The following PPA2 variants were observed in gnomAD, a reference collection of about 807,000 sequenced individuals.
PPA2 encodes inorganic pyrophosphatase 2.
PPA2 carries 48 observed loss-of-function variants against 49.5 expected under a neutral mutation model. The ratio of observed to expected loss-of-function variants is 0.97; its 90% CI spans 0.77 to 1.23. The LOEUF is 1.23. Among genes scored for constraint, PPA2 ranks in the 50% most tolerant of loss-of-function variants. The pLI, the probability that PPA2 is intolerant of heterozygous loss-of-function variation, is 0.00. For missense variants in PPA2, 429 were observed against 410.1 expected (o/e 1.05, Z -0.40); for synonymous variants, 131 against 139.9 (o/e 0.94, Z 0.45).
Position 105,437,932 on chromosome 4 carries a change from A to G in PPA2, c.528+18T>C. On this transcript the variant is annotated intron_variant, in intron 6 of 11. Coordinates refer to ENST00000341695, the MANE Select transcript of PPA2 (RefSeq NM_176869.3). The stretch of plus-strand genomic sequence containing the variant: ...AACCAAAACTCACGTTAGAATTAAT[A>G]CAGTCTATAAAACAAACCTTTGAGC... 2 of 1,570,660 alleles carry G rather than the reference A, an allele frequency of 1.3e-6. No individual in the cohort carries two copies. Among genetic ancestry groups the G allele is most frequent in the Admixed American group, 2.0e-5 (1 of 50,390 alleles).
In PPA2 at chr4:105,416,041, G is replaced by A. The variant is rs1722991201; in HGVS notation, c.655+8155C>T. Among the ~76,000 whole-genome samples, 3 of 152,124 alleles carry A rather than the reference G, an allele frequency of 2.0e-5. No homozygotes were observed. In the South Asian group the frequency reaches 6.2e-4, roughly 32 times the overall value. On this transcript the variant is annotated intron_variant, in intron 7 of 11. Transcript: ENST00000341695. ...ACCAATTATTCTACATCCAGGACTA[G>A]AATGTCCAACCAGCAGAAAAGAATT...
At chr4:105,452,517 A>G (rs1722715584) in intron 3 of PPA2, among the ~76,000 whole-genome samples, 1 of 152,224 alleles carries the variant, frequency 6.6e-6, no homozygotes, top group Non-Finnish European at 1.5e-5. Context: ...ATTTTTAACA[A>G]GCACTCTAAG....
At chr4:105,432,002 G>C (rs1723823808) in intron 6 of PPA2, among the ~76,000 whole-genome samples, 1 of 152,182 alleles carries the variant, frequency 6.6e-6, no homozygotes, top group Admixed American at 6.5e-5. Flanking sequence ...GGACTAGATA[G>C]ATACAGGTGA....
At chr4:105,426,449 C>T (rs1313406410) in intron 6 of PPA2, among the ~76,000 whole-genome samples, 1 of 152,220 alleles carries the variant, frequency 6.6e-6, no homozygotes, top group East Asian at 1.9e-4. Flanking sequence ...CCATGAGTGA[C>T]TGTACCTGGA....
At chr4:105,409,459 C>T (rs930141198) in intron 7 of PPA2, among the ~76,000 whole-genome samples, 1 of 152,238 alleles carries the variant, frequency 6.6e-6, no homozygotes, top group Non-Finnish European at 1.5e-5. Context: ...CCTCTGTGGG[C>T]AGGGCATAGC....
chr4:105,412,045 C>T (rs530461593), intron 7 of PPA2, among the ~76,000 whole-genome samples: 6 of 152,202 alleles, frequency 3.9e-5, no homozygotes, highest in African/African-American at 1.4e-4. Context: ...AGTGACATGC[C>T]GATCAAGCTA....
At chr4:105,398,973 A>G in intron 8 of PPA2, 64 bp downstream of exon 8, 2 of 1,541,592 alleles carry the variant, frequency 1.3e-6, no homozygotes, top group East Asian at 2.3e-5. Context: ...GAAACTTCCC[A>G]AGTGAAACGA....
chr4:105,376,322 A>G (rs887988773), intron 10 of PPA2, among the ~76,000 whole-genome samples: 2 of 152,256 alleles, frequency 1.3e-5, no homozygotes, highest in Non-Finnish European at 2.9e-5. Context: ...TCCAAATTTT[A>G]TACAACACTA....
At chr4:105,375,170 T>C (rs1474873132) in intron 10 of PPA2, among the ~76,000 whole-genome samples, 2 of 152,178 alleles carry the variant, frequency 1.3e-5, no homozygotes, top group Non-Finnish European at 2.9e-5. Context: ...GTTTAATCTA[T>C]TAATACTTCC....
chr4:105,411,057 C>T (rs761497038), intron 7 of PPA2, among the ~76,000 whole-genome samples: 1 of 152,172 alleles, frequency 6.6e-6, no homozygotes, highest in Non-Finnish European at 1.5e-5. Flanking sequence ...TAAATTCACA[C>T]ATAACAATAT....
In PPA2 at chr4:105,443,969, C is replaced by T. The variant is rs369648195; in HGVS notation, c.441+2414G>A. Among the ~76,000 whole-genome samples, 50 of 152,306 alleles carry T rather than the reference C, an allele frequency of 3.3e-4. No homozygotes were observed. In the East Asian group the frequency reaches 5.6e-3, roughly 17 times the overall value. On this transcript the variant is annotated intron_variant, in intron 5 of 11. Coordinates refer to ENST00000341695, the MANE Select transcript of PPA2 (RefSeq NM_176869.3). ...TGCAACAATCCTAATATCCCCTAGT[C>T]CCATTCCCTGCTTAACTTTTCTTTG...
intron 6 of PPA2, among the ~76,000 whole-genome samples, chr4:105,429,688 T>C (rs1013018608): frequency 5.3e-5 from 8 of 152,232 alleles, no homozygotes; most frequent in African/African-American, 1.9e-4. Context: ...TCACACTAAA[T>C]AGAAAATAAA....
intron 10 of PPA2, among the ~76,000 whole-genome samples, chr4:105,374,498 G>A (rs563973548): frequency 3.3e-5 from 5 of 152,174 alleles, no homozygotes; most frequent in Admixed American, 3.3e-4. Flanking sequence ...AAACTCTAAC[G>A]GTTTCATTGC....
chr4:105,464,740 A>G (rs1723232590), intron 1 of PPA2, among the ~76,000 whole-genome samples: 1 of 152,192 alleles, frequency 6.6e-6, no homozygotes, highest in African/African-American at 2.4e-5. Flanking sequence ...GTCTGCCACC[A>G]TATGATACAT....
At chr4:105,429,978 G>C (rs1311272208) in intron 6 of PPA2, among the ~76,000 whole-genome samples, 1 of 152,174 alleles carries the variant, frequency 6.6e-6, no homozygotes, top group Non-Finnish European at 1.5e-5. Context: ...ATTTCAGTGA[G>C]GTTCCCTCAA....
At chr4:105,469,765 T>C (rs956718726) in intron 1 of PPA2, among the ~76,000 whole-genome samples, 9 of 152,222 alleles carry the variant, frequency 5.9e-5, no homozygotes, top group South Asian at 2.1e-4. Flanking sequence ...ACAAAACCCA[T>C]TGTGTTCCAT....
At chr4:105,411,558 C>T (rs978256132) in intron 7 of PPA2, among the ~76,000 whole-genome samples, 1 of 152,188 alleles carries the variant, frequency 6.6e-6, no homozygotes, top group African/African-American at 2.4e-5. Flanking sequence ...CTCACCACTC[C>T]TATTCAACAT....
chr4:105,392,666 C>T (rs1733973154), intron 9 of PPA2, among the ~76,000 whole-genome samples: 1 of 147,910 alleles, frequency 6.8e-6, no homozygotes, highest in South Asian at 2.1e-4. Flanking sequence ...GAGTGAGACT[C>T]TGTTTCAAAA....
chr4:105,424,621 C>T lies in PPA2; in HGVS notation c.529-299G>A, dbSNP rs377369986. On this transcript the variant is annotated intron_variant, in intron 6 of 11. Coordinates refer to ENST00000341695, the MANE Select transcript of PPA2 (RefSeq NM_176869.3). ...GAAATCACTCGTTTCAGACATTAAA[C>T]AACAGGCAGTACAGGACTGTGATCC... 6.6e-5 allele frequency among the ~76,000 whole-genome samples: 10 copies of T among 152,186 alleles called. No individual in the cohort carries two copies. In the East Asian group the frequency reaches 1.2e-3, roughly 18 times the overall value.
Sources: gnomAD v4.1 joint callset for allele counts (sites outside exome capture counted in the v4.1 genomes callset) on GRCh38, gnomAD v4.1.1 for gene constraint, MANE v1.5 for transcripts, NCBI Gene and HGNC (gene_info 2026-07-23, HGNC 2026-07-21) for gene names.